CLK2: variants seen among roughly 807,000 people sequenced by gnomAD.
CLK2 encodes CDC like kinase 2.
CLK2 carries 12 observed loss-of-function variants against 73.5 expected under a neutral mutation model. That is an observed-to-expected ratio of 0.16 (90% CI 0.10 to 0.26). The LOEUF (loss-of-function observed/expected upper bound fraction) is 0.26. Ranked by LOEUF, CLK2 falls within the 10% of genes least tolerant of loss-of-function variation. The pLI is 1.00. For missense variants in CLK2, 509 were observed against 688.4 expected (o/e 0.74, Z 2.92); for synonymous variants, 232 against 237.9 (o/e 0.98, Z 0.23).
chr1:155,263,448 C>G, intron 12 of CLK2, 48 bp from the exon 13 acceptor site: 2 of 1,606,170 alleles, frequency 1.2e-6, no homozygotes, highest in Non-Finnish European at 1.7e-6. Flanking sequence ...CCTTACAAAC[C>G]CTGCCTTCTT....
At chr1:155,263,535 A>G in intron 12 of CLK2, 135 bp from the exon 13 acceptor site, 6 of 1,447,160 alleles carry the variant, frequency 4.1e-6, no homozygotes, top group Non-Finnish European at 5.4e-6. Context: ...CCACGACCAC[A>G]CCAGGACCAA....
At chr1:155,269,354 A>G (rs1673384385) in intron 3 of CLK2, 134 bp downstream of exon 3, 1 of 764,460 alleles carries the variant, frequency 1.3e-6, no homozygotes, top group East Asian at 2.6e-5. Flanking sequence ...CTTCCAAGAA[A>G]GTAGGCAAAC....
intron 3 of CLK2, chr1:155,269,228 G>C: frequency 1.7e-6 from 1 of 595,454 alleles, no homozygotes; most frequent in South Asian, 2.1e-5. Flanking sequence ...CGCTGGGGCG[G>C]AGAAGCTGCT....
At position 155,268,587 on chromosome 1, in the gene CLK2, A is replaced by G; in HGVS notation, c.487+121T>C. 1 of 998,320 alleles carries G rather than the reference A, an allele frequency of 1.0e-6. No homozygotes were observed. Among genetic ancestry groups the G allele is most frequent in the East Asian group, 2.4e-5 (1 of 41,864 alleles). 61.8% of individuals were successfully genotyped at this position (998,320 alleles called of 1,614,324 possible). A position where few individuals can be genotyped will look rare whatever the true frequency, so the allele number is the denominator to read the frequency against. On this transcript the variant is annotated intron_variant, in intron 4 of 12. Transcript: ENST00000368361. This position sits in a 1 kb window ranked among gnomAD's most constrained non-coding sequence, Gnocchi z 5.6. Reference sequence around the variant, plus strand: ...AGGTCAATTCTCAACAGCAACTCAAACCACCCAGATAAACAACACCACTGA... The same window carrying G: ...AGGTCAATTCTCAACAGCAACTCAAGCCACCCAGATAAACAACACCACTGA...
chr1:155,265,431 G>A (rs1273010201), intron 8 of CLK2, among the ~76,000 whole-genome samples: 4 of 152,224 alleles, frequency 2.6e-5, no homozygotes, highest in South Asian at 4.1e-4. Flanking sequence ...GCCAGGCGTG[G>A]TGGCGGGTGC....
At chr1:155,267,220 G>A (rs1422652811) in intron 6 of CLK2, among the ~76,000 whole-genome samples, 1 of 152,164 alleles carries the variant, frequency 6.6e-6, no homozygotes, top group Non-Finnish European at 1.5e-5. Context: ...AGCCTTCCAA[G>A]TAGCTGGGAC....
rs1030201676 is a variant in CLK2 at position 155,266,877 on chromosome 1, A to C, written c.690T>G (p.Phe230Leu). ...PDNKNLCVQM[F>L]DWFDYHGHMC... ...TGTGGCCATGGTAGTCAAACCAGTC[A>C]AACATCTGGACACAGAGGCTGAGAA... The change falls in exon 7 of 13, where the codon TTT (phenylalanine) becomes TTG (leucine). Residue 230 changes from phenylalanine (F) to leucine (L), a missense_variant. Phe to Leu is a conservative substitution (Grantham distance 22). Transcript: ENST00000368361. 2.9e-5 allele frequency: 47 copies of C among 1,613,500 alleles called. No homozygotes were observed. Among genetic ancestry groups the C allele is most frequent in the Non-Finnish European group, 3.8e-5 (45 of 1,179,792 alleles).
chr1:155,265,427 C>T (rs1427518144), intron 8 of CLK2, among the ~76,000 whole-genome samples: 7 of 151,934 alleles, frequency 4.6e-5, no homozygotes, highest in Admixed American at 2.6e-4. Flanking sequence ...ACTAGCCAGG[C>T]GTGGTGGCGG....
chr1:155,269,529 G>C lies in CLK2; in HGVS notation c.358C>G (p.Arg120Gly). ...AATGTCCGGCTGCGCCTCCTCCGCC[G>C]TCTGTGCTTCCTCCGGCTGCTGCGC... ...SQRSSRRKHR[R>G]RRRRSRTFSR... Residue 120 changes from arginine to glycine, a missense_variant, in exon 3 of 13, where the codon CGG becomes GGG. By Grantham distance (125) the Arg-to-Gly change is moderately radical. Coordinates refer to ENST00000368361, the MANE Select transcript of CLK2 (RefSeq NM_001294338.2). 1.9e-6 allele frequency: 3 copies of C among 1,614,036 alleles called. No individual in the cohort carries two copies. The highest frequency in any genetic ancestry group is 2.5e-6 in the Non-Finnish European group (3 of 1,180,040).
intron 2 of CLK2, 134 bp downstream of exon 2, chr1:155,270,674 T>C: frequency 5.9e-6 from 6 of 1,009,350 alleles, no homozygotes; most frequent in Non-Finnish European, 8.8e-6. Flanking sequence ...AATGGCTTCT[T>C]TGGTTATCTA....
chr1:155,263,661 C>T (rs1673092655), intron 12 of CLK2: 1 of 984,892 alleles, frequency 1.0e-6, no homozygotes, highest in African/African-American at 1.7e-5. Flanking sequence ...TTTAGTTCCT[C>T]ATTAAAATGT....
Position 155,263,960 on chromosome 1 carries a change from T to A in CLK2, c.1307A>T (p.Lys436Ile). Residue 436 changes from lysine to isoleucine, a missense_variant, in exon 12 of 13, where the codon AAA becomes ATA. Transcript: ENST00000368361. ...SAGRYVRENC[K>I]PLRRYLTSEA... ...CCGAGCCCAGCTCACCCGCAGCGGT[T>A]TGCAGTTCTCACGAACATAGCGCCC... is the stretch of plus-strand genomic sequence containing the variant. The A allele has an allele frequency of 6.2e-7, 1 of 1,614,110 alleles. No homozygotes were observed. The highest frequency in any genetic ancestry group is 1.3e-5 in the African/African-American group (1 of 75,036).
At chr1:155,264,393 G>A (rs1673131152) in intron 10 of CLK2, 75 bp downstream of exon 10, 2 of 1,593,912 alleles carry the variant, frequency 1.3e-6, no homozygotes, top group African/African-American at 1.3e-5. Context: ...AACTGAGTAG[G>A]CAGGTCCTCA....
chr1:155,269,074 C>T, intron 3 of CLK2: 1 of 561,388 alleles, frequency 1.8e-6, no homozygotes, highest in East Asian at 3.0e-5. Flanking sequence ...CACCCACAAC[C>T]CCATGCTCTA....
In CLK2 at chr1:155,268,856, C is replaced by CGGGTGGGGGGG; in HGVS notation, c.400-62_400-61insCCCCCCCACCC. ...TGTCGGAGCGGGGGCCGGAGGGAGG[C>CGGGTGGGGGGG]GGGGTGGGTGGTAGAGGGGTCACCG... On this transcript the variant is annotated intron_variant, in intron 3 of 12. Coordinates refer to ENST00000368361, the MANE Select transcript of CLK2 (RefSeq NM_001294338.2). This position sits in a 1 kb window ranked among gnomAD's most constrained non-coding sequence, Gnocchi z 5.6. 5.2e-6 allele frequency: 1 copy of CGGGTGGGGGGG among 193,830 alleles called. No homozygotes were observed. The highest frequency in any genetic ancestry group is 9.8e-6 in the Non-Finnish European group (1 of 102,404). 12.0% of individuals were successfully genotyped at this position (193,830 alleles called of 1,614,324 possible).
Position 155,269,486 on chromosome 1 carries a change from A to G in CLK2, c.399+2T>C. 6.2e-7 allele frequency: 1 copy of G among 1,613,432 alleles called. No individual in the cohort carries two copies. The highest frequency in any genetic ancestry group is 8.5e-7 in the Non-Finnish European group (1 of 1,179,900). On this transcript the variant is annotated splice_donor_variant, in intron 3 of 12. Coordinates refer to ENST00000368361, the MANE Select transcript of CLK2 (RefSeq NM_001294338.2). LOFTEE classifies it high-confidence loss of function. ...AGAGGAAGGGCCTGGGCTGGCACTC[A>G]CCGAAGATGAGCGGCTAAATGTCCG...
At chr1:155,270,747 T>C in intron 2 of CLK2, 61 bp downstream of exon 2, 1 of 1,533,646 alleles carries the variant, frequency 6.5e-7, no homozygotes, top group Non-Finnish European at 8.9e-7. Flanking sequence ...CAATAAGTAT[T>C]TGTTGAACAA....
intron 6 of CLK2, 24 bp from the exon 7 acceptor site, chr1:155,266,919 G>C: frequency 6.2e-7 from 1 of 1,611,226 alleles, no homozygotes; most frequent in South Asian, 1.1e-5. Context: ...TGGGGGAAGG[G>C]GGGTTGTCTG....
chr1:155,272,939 T>G (rs1233914067), intron 1 of CLK2, among the ~76,000 whole-genome samples: 1 of 152,080 alleles, frequency 6.6e-6, no homozygotes, highest in Non-Finnish European at 1.5e-5. Flanking sequence ...GATATTCCAC[T>G]CCTTCACATC....
Sources: allele counts gnomAD v4.1 joint callset (sites outside exome capture counted in the v4.1 genomes callset), GRCh38; gene constraint gnomAD v4.1.1; non-coding constraint Gnocchi (gnomAD v3.1); transcripts MANE v1.5; gene names NCBI Gene and HGNC (gene_info 2026-07-23, HGNC 2026-07-21).